LZTS1: variants seen among roughly 807,000 people sequenced by gnomAD.
LZTS1 encodes the protein leucine zipper putative tumor suppressor 1.
Under a neutral mutation model 45.8 loss-of-function variants are expected in LZTS1, and 31 were observed. The ratio of observed to expected loss-of-function variants is 0.68; its 90% CI spans 0.51 to 0.91. LZTS1 has a LOEUF of 0.91. Ranked by LOEUF, LZTS1 falls within the 40% of genes least tolerant of loss-of-function variation. The pLI is 0.00. For synonymous variants in LZTS1, 359 were observed against 357.3 expected (o/e 1.00, Z -0.05); for missense variants, 821 against 788.9 (o/e 1.04, Z -0.49).
intron 1 of LZTS1, among the ~76,000 whole-genome samples, chr8:20,263,342 T>A (rs920243254): frequency 2.0e-5 from 3 of 151,976 alleles, no homozygotes; most frequent in African/African-American, 7.3e-5. Flanking sequence ...TCAGTCTTTT[T>A]TTTTTTTGAG....
chr8:20,295,442 G>C (rs757855649), intron 1 of LZTS1, among the ~76,000 whole-genome samples: 2 of 152,122 alleles, frequency 1.3e-5, no homozygotes, highest in Non-Finnish European at 2.9e-5. Context: ...AATTTCTGTG[G>C]CCCTTGAGTG....
intron 1 of LZTS1, among the ~76,000 whole-genome samples, chr8:20,265,460 G>A (rs1800333823): frequency 6.6e-6 from 1 of 151,896 alleles, no homozygotes; most frequent in Admixed American, 6.6e-5. Flanking sequence ...GAGGTCAGGA[G>A]TTCGAGACCA....
intron 1 of LZTS1, among the ~76,000 whole-genome samples, chr8:20,273,304 T>C (rs1412368190): frequency 6.6e-6 from 1 of 152,194 alleles, no homozygotes; most frequent in South Asian, 2.1e-4. Context: ...CTTTTCAGGC[T>C]GTATCTGAGA....
intron 1 of LZTS1, among the ~76,000 whole-genome samples, chr8:20,285,665 G>A (rs948081620): frequency 6.6e-6 from 1 of 152,152 alleles, no homozygotes; most frequent in African/African-American, 2.4e-5. Flanking sequence ...TTGACCTAGT[G>A]ACAATACAAT....
chr8:20,253,512 G>A lies in LZTS1; in HGVS notation c.419C>T (p.Ser140Phe), dbSNP rs770038785. Reference protein sequence around the residue: ...VLPRSGAILHSSPESASHQLH... With the variant: ...VLPRSGAILHFSPESASHQLH... Reference sequence around the variant, plus strand: ...CTGGTGGCTGGCACTCTCCGGGGAGGAGTGCAGGATGGCTCCTGACCGTGG... The same window carrying A: ...CTGGTGGCTGGCACTCTCCGGGGAGAAGTGCAGGATGGCTCCTGACCGTGG... The change falls in exon 3 of 4, where the codon TCC (serine) becomes TTC (phenylalanine). Residue 140 changes from serine to phenylalanine, a missense_variant. Ser to Phe is a radical substitution (Grantham distance 155, BLOSUM62 -2). Transcript: ENST00000381569. 6.4e-7 allele frequency: 1 copy of A among 1,569,466 alleles called. No individual in the cohort carries two copies. The highest frequency in any genetic ancestry group is 8.6e-7 in the Non-Finnish European group (1 of 1,160,422).
In LZTS1 at chr8:20,250,031, G is replaced by C. The variant is rs147895092; in HGVS notation, c.1482C>G (p.Pro494=). The part of the protein sequence containing the change: ...LARDMGPPTF[P]EDVPALQREL... ...CCCGCTGCAGGGCAGGGACGTCCTC[G>C]GGGAAGGTGGGCGGCCCCATGTCGC... Residue 494 remains proline (P), a synonymous_variant, in exon 4 of 4, where the codon CCC becomes CCG. Coordinates refer to ENST00000381569, the MANE Select transcript of LZTS1 (RefSeq NM_021020.5). The C allele has an allele frequency of 2.5e-6, 4 of 1,610,272 alleles. No individual in the cohort carries two copies. Among genetic ancestry groups the C allele is most frequent in the African/African-American group, 2.7e-5 (2 of 74,880 alleles).
At chr8:20,277,149 G>C (rs1333293951) in intron 1 of LZTS1, among the ~76,000 whole-genome samples, 2 of 152,224 alleles carry the variant, frequency 1.3e-5, no homozygotes, top group African/African-American at 4.8e-5. Flanking sequence ...CCAAAACCAA[G>C]ATGGTGATGA....
chr8:20,262,460 G>A (rs1206371987), intron 1 of LZTS1, among the ~76,000 whole-genome samples: 2 of 152,158 alleles, frequency 1.3e-5, no homozygotes, highest in Non-Finnish European at 2.9e-5. Context: ...GTGTGCATGT[G>A]TGAACGTGTG....
At chr8:20,302,841 C>A (rs1801104740) in intron 1 of LZTS1, among the ~76,000 whole-genome samples, 1 of 152,162 alleles carries the variant, frequency 6.6e-6, no homozygotes, top group Non-Finnish European at 1.5e-5. Context: ...TTTCCCAGGC[C>A]TGACATACTC....
chr8:20,260,564 A>G (rs1344520895), intron 1 of LZTS1, among the ~76,000 whole-genome samples: 2 of 152,236 alleles, frequency 1.3e-5, no homozygotes, highest in Non-Finnish European at 1.5e-5. Flanking sequence ...TCTGTCCCAG[A>G]TAGCAAAATG....
chr8:20,298,751 C>A (rs1319092032), intron 1 of LZTS1, among the ~76,000 whole-genome samples: 1 of 152,056 alleles, frequency 6.6e-6, no homozygotes, highest in African/African-American at 2.4e-5. Flanking sequence ...GTGGTCCCAG[C>A]TACTTGGGAG....
chr8:20,260,345 T>C (rs1372726132), intron 1 of LZTS1, among the ~76,000 whole-genome samples: 1 of 152,188 alleles, frequency 6.6e-6, no homozygotes, highest in Non-Finnish European at 1.5e-5. Context: ...TACCAGAATC[T>C]GAGAGTAAAG....
chr8:20,258,089 T>C (rs1427022897), intron 1 of LZTS1, among the ~76,000 whole-genome samples: 2 of 152,206 alleles, frequency 1.3e-5, no homozygotes, highest in Non-Finnish European at 2.9e-5. Context: ...ATGTGCAGAT[T>C]CAGGCAAATC....
chr8:20,252,856 G>C lies in LZTS1; in HGVS notation c.1075C>G (p.Leu359Val), dbSNP rs1352656486. ...LESLMKEQDL[L>V]ETKLRSYERE... is the part of the protein sequence containing the mutation. ...TCGTAGGACCTGAGCTTGGTCTCCA[G>C]CAGGTCCTGCTCCTTCATGAGGCTC... The change falls in exon 3 of 4, where the codon CTG becomes GTG. Residue 359 changes from leucine to valine, a missense_variant. Leu to Val is a conservative substitution (Grantham distance 32, BLOSUM62 1). Transcript: ENST00000381569. 4 of 1,596,002 alleles carry C rather than the reference G, an allele frequency of 2.5e-6. No homozygotes were observed. Among genetic ancestry groups the C allele is most frequent in the Admixed American group, 3.5e-5 (2 of 56,660 alleles).
intron 1 of LZTS1, among the ~76,000 whole-genome samples, chr8:20,282,278 T>A (rs933849480): frequency 1.3e-5 from 2 of 152,208 alleles, no homozygotes; most frequent in African/African-American, 2.4e-5. Flanking sequence ...TCTGTAGCCC[T>A]CCAGAGCACT....
chr8:20,277,570 G>A (rs1030528404), intron 1 of LZTS1, among the ~76,000 whole-genome samples: 1 of 152,138 alleles, frequency 6.6e-6, no homozygotes, highest in African/African-American at 2.4e-5. Flanking sequence ...AGTATATAAG[G>A]CTGGTATTAA....
In LZTS1 at chr8:20,252,951, G is replaced by C. The variant is rs199711006; in HGVS notation, c.980C>G (p.Ala327Gly). 6.3e-7 allele frequency: 1 copy of C among 1,594,298 alleles called. No homozygotes were observed. Among genetic ancestry groups the C allele is most frequent in the Non-Finnish European group, 8.5e-7 (1 of 1,171,378 alleles). Reference sequence around the variant, plus strand: ...TACCTGCAGGTGCAGGACCTGCTGCGCGCGCTGGCTCTTCTGCGAGGCCTG... The same window carrying C: ...TACCTGCAGGTGCAGGACCTGCTGCCCGCGCTGGCTCTTCTGCGAGGCCTG... ...LKQASQKSQR[A>G]QQVLHLQVLQ... The change falls in exon 3 of 4, where the codon GCG (alanine) becomes GGG (glycine). Residue 327 changes from alanine (A) to glycine (G), a missense_variant. Coordinates refer to ENST00000381569, the MANE Select transcript of LZTS1 (RefSeq NM_021020.5).
chr8:20,281,051 C>G (rs1185168057), intron 1 of LZTS1, among the ~76,000 whole-genome samples: 3 of 152,196 alleles, frequency 2.0e-5, no homozygotes, highest in African/African-American at 7.2e-5. Flanking sequence ...AGCTACTCAG[C>G]AAAGACGGTG....
intron 1 of LZTS1, among the ~76,000 whole-genome samples, chr8:20,298,200 T>C (rs546540560): frequency 6.6e-6 from 1 of 152,286 alleles, no homozygotes; most frequent in Admixed American, 6.5e-5. Flanking sequence ...TAGCTGGAAC[T>C]ACAGGCGTGC....
Sources: gnomAD v4.1 joint callset for allele counts (sites outside exome capture counted in the v4.1 genomes callset) on GRCh38, gnomAD v4.1.1 for gene constraint, MANE v1.5 for transcripts, NCBI Gene and HGNC (gene_info 2026-07-23, HGNC 2026-07-21) for gene names.